The following MYCBPAP variants were observed in gnomAD, a reference collection of about 807,000 sequenced individuals.
The protein encoded by MYCBPAP is MYCBP-associated protein.
In MYCBPAP, 60 loss-of-function variants were observed where a neutral mutation model predicts 106.1. The observed-to-expected ratio is 0.57, with a 90% confidence interval of 0.46 to 0.70. MYCBPAP has a LOEUF of 0.70. MYCBPAP is among the 30% of genes least tolerant of loss of function. The pLI is 0.00. For missense variants in MYCBPAP, 1,064 were observed against 1,169.3 expected (o/e 0.91, Z 1.31); for synonymous variants, 407 against 440.6 (o/e 0.92, Z 0.95).
In MYCBPAP at chr17:50,529,120, A is replaced by C; in HGVS notation, c.2656A>C (p.Ile886Leu). 1 of 1,614,014 alleles carries C rather than the reference A, an allele frequency of 6.2e-7. No homozygotes were observed. Among genetic ancestry groups the C allele is most frequent in the South Asian group, 1.1e-5 (1 of 91,084 alleles). Residue 886 changes from isoleucine to leucine, a missense_variant, in exon 18 of 19, where the codon ATC (isoleucine) becomes CTC (leucine). Physicochemically the swap from Ile to Leu is conservative, Grantham distance 5 (BLOSUM62 2). Transcript: ENST00000323776. ...FSLEDPTPDI[I>L]LSSQEPIDPL... The stretch of plus-strand genomic sequence containing the variant: ...TTTGGAAGACCCTACCCCTGACATC[A>C]TCCTCTCTTCTCAAGAACCCATAGA...
rs1415882264 is a variant in MYCBPAP at position 50,516,791 on chromosome 17, G to A, written c.204+94G>A. ...ACACCAGCCATGTCCCTACTCATGG[G>A]GAGTGTCTAACTCCATGGAAAAACC... On this transcript the variant is annotated intron_variant, in intron 2 of 18. Coordinates refer to ENST00000323776, the MANE Select transcript of MYCBPAP (RefSeq NM_032133.6). 5.6e-6 allele frequency: 8 copies of A among 1,438,654 alleles called. No individual in the cohort carries two copies. In the African/African-American group the frequency reaches 7.0e-5, roughly 13 times the overall value. The allele number at this position is 1,438,654 out of a possible 1,614,324, so 89.1% of individuals were successfully genotyped here. A position where few individuals can be genotyped will look rare whatever the true frequency, so the allele number is the denominator to read the frequency against.
At chr17:50,523,835 G>C (rs754819432) in intron 12 of MYCBPAP, 51 bp downstream of exon 12, 1 of 1,540,360 alleles carries the variant, frequency 6.5e-7, no homozygotes, top group Non-Finnish European at 8.8e-7. Context: ...GGGTATCCTG[G>C]TGTTCTTCCT....
chr17:50,520,965 G>A (rs927731278), intron 7 of MYCBPAP, 145 bp from the exon 8 acceptor site: 10 of 645,850 alleles, frequency 1.5e-5, no homozygotes, highest in South Asian at 1.8e-5. Context: ...ACAGGAGAAC[G>A]GGAGTCTAGC....
chr17:50,527,110 G>C (rs1464532048), intron 14 of MYCBPAP, among the ~76,000 whole-genome samples, 177 bp from the exon 15 acceptor site: 1 of 152,224 alleles, frequency 6.6e-6, no homozygotes, highest in African/African-American at 2.4e-5. Flanking sequence ...GGGGTTCATA[G>C]GTACAGATTT....
Position 50,524,880 on chromosome 17 carries a change from AAGCT to A in MYCBPAP, c.1640_1643del (p.Lys547ArgfsTer18). The A allele has an allele frequency of 6.2e-7, 1 of 1,613,302 alleles. No individual in the cohort carries two copies. The highest frequency in any genetic ancestry group is 8.5e-7 in the Non-Finnish European group (1 of 1,179,646). ...TCTGCCACCTTCCCTTTTGCAGAGCAAGCTGACTGCCCATGAGGCAGTCACCGTC... is the reference window on the plus strand; with the variant it reads ...TCTGCCACCTTCCCTTTTGCAGAGCAGACTGCCCATGAGGCAGTCACCGTC... On this transcript the variant is annotated frameshift_variant, in exon 13 of 19. Transcript: ENST00000323776. LOFTEE classifies it high-confidence loss of function.
At position 50,508,517 on chromosome 17, in the gene MYCBPAP, A is replaced by G. The variant is rs1228573745; in HGVS notation, c.-158A>G. On this transcript the variant is annotated 5_prime_UTR_variant, in exon 1 of 19. Coordinates refer to ENST00000323776, the MANE Select transcript of MYCBPAP (RefSeq NM_032133.6). ...CGGCCCGATGAAGAAGGAGGTTTCC[A>G]AGCCGTCTCCGCCCAAGTTGATCGG... 3 of 1,533,504 alleles carry G rather than the reference A, an allele frequency of 2.0e-6. No homozygotes were observed. The highest frequency in any genetic ancestry group is 2.3e-4 in the Middle Eastern group (1 of 4,366). 95.0% of individuals were successfully genotyped at this position (1,533,504 alleles called of 1,614,324 possible). A position where few individuals can be genotyped will look rare whatever the true frequency, so the allele number is the denominator to read the frequency against.
In MYCBPAP at chr17:50,529,728, G is replaced by A. The variant is rs961309653; in HGVS notation, c.2724+540G>A. 9.4e-5 allele frequency: 43 copies of A among 456,048 alleles called. No homozygotes were observed. In the Admixed American group the frequency reaches 9.9e-4, roughly 10 times the overall value. 28.3% of individuals were successfully genotyped at this position (456,048 alleles called of 1,614,324 possible). On this transcript the variant is annotated intron_variant, in intron 18 of 18. Coordinates refer to ENST00000323776, the MANE Select transcript of MYCBPAP (RefSeq NM_032133.6). Reference sequence around the variant, plus strand: ...GGAGAACAGACTCTAGGGGAACAGAGAGGAAGGAAGCCCTTCTCTTTCTTA... The same window carrying A: ...GGAGAACAGACTCTAGGGGAACAGAAAGGAAGGAAGCCCTTCTCTTTCTTA...
At chr17:50,514,147 T>G (rs1476319523) in intron 1 of MYCBPAP, among the ~76,000 whole-genome samples, 1 of 152,192 alleles carries the variant, frequency 6.6e-6, no homozygotes, top group Non-Finnish European at 1.5e-5. Context: ...TCTCGGCCTC[T>G]CAAAGTGTTG....
In MYCBPAP at chr17:50,518,557, C is replaced by G; in HGVS notation, c.485C>G (p.Pro162Arg). ...RGNTQLAERI[P>R]TSPCLMTLIS... ...ACTTTTCAGCTGGCTGAGCGGATAC[C>G]TACCTCACCCTGTCTGATGACCCTC... Residue 162 changes from proline to arginine, a missense_variant, in exon 5 of 19, where the codon CCT (proline) becomes CGT (arginine). By Grantham distance (103) the Pro-to-Arg change is moderately radical. Coordinates refer to ENST00000323776, the MANE Select transcript of MYCBPAP (RefSeq NM_032133.6). 1.9e-6 allele frequency: 3 copies of G among 1,580,982 alleles called. No homozygotes were observed. In the South Asian group the frequency reaches 3.5e-5, roughly 19 times the overall value.
intron 2 of MYCBPAP, 36 bp downstream of exon 2, chr17:50,516,733 A>G (rs762590481): frequency 2.5e-6 from 4 of 1,611,512 alleles, no homozygotes; most frequent in East Asian, 4.5e-5. Context: ...TACCATAGAA[A>G]CGTTTCCCTG....
intron 1 of MYCBPAP, among the ~76,000 whole-genome samples, chr17:50,513,238 AAAG>A (rs1022622976): frequency 3.3e-5 from 5 of 150,064 alleles, no homozygotes; most frequent in African/African-American, 1.2e-4. Context: ...AAAAAAAAAA[AAAG>A]CTGGGCATGG....
rs779777621 is a variant in MYCBPAP, at chr17:50,528,845, G to A, written c.2553+5G>A. ...GCCAAGCTGCTCGGGAAAGAGGCAT[G>A]CTGGGGCGTGGTCTGGGCCAGGTGG... On this transcript the variant is annotated splice_donor_5th_base_variant and intron_variant, in intron 17 of 18. Coordinates refer to ENST00000323776, the MANE Select transcript of MYCBPAP (RefSeq NM_032133.6). 1 of 1,613,086 alleles carries A rather than the reference G, an allele frequency of 6.2e-7. No individual in the cohort carries two copies. Among genetic ancestry groups the A allele is most frequent in the Non-Finnish European group, 8.5e-7 (1 of 1,179,962 alleles).
At chr17:50,525,071 A>G in intron 13 of MYCBPAP, 48 bp downstream of exon 13, 1 of 1,576,174 alleles carries the variant, frequency 6.3e-7, no homozygotes, top group Middle Eastern at 1.7e-4. Context: ...CCCTGCGTCA[A>G]GGGTCCCCAA....
chr17:50,529,479 C>T (rs1456411800), intron 18 of MYCBPAP: 25 of 399,982 alleles, frequency 6.3e-5, no homozygotes, highest in Non-Finnish European at 9.5e-5. Flanking sequence ...GCCAAGTAGA[C>T]GTCCAGTAAA....
At chr17:50,514,004 A>T (rs2033953387) in intron 1 of MYCBPAP, among the ~76,000 whole-genome samples, 1 of 152,258 alleles carries the variant, frequency 6.6e-6, no homozygotes, top group South Asian at 2.1e-4. Flanking sequence ...TGACCCCATT[A>T]CAGAAACAGA....
At chr17:50,509,107 G>A in intron 1 of MYCBPAP, 1 of 703,052 alleles carries the variant, frequency 1.4e-6, no homozygotes, top group Non-Finnish European at 2.6e-6. Flanking sequence ...AAGAGTTTAA[G>A]GGTAGAAGGG....
intron 11 of MYCBPAP, among the ~76,000 whole-genome samples, chr17:50,523,342 C>G (rs899338897): frequency 6.6e-6 from 1 of 152,162 alleles, no homozygotes; most frequent in African/African-American, 2.4e-5. Flanking sequence ...GGTGAGCCAC[C>G]AGGGAGCAGA....
intron 5 of MYCBPAP, 45 bp from the exon 6 acceptor site, chr17:50,518,929 T>G (rs1253372408): frequency 1.9e-6 from 3 of 1,576,932 alleles, no homozygotes; most frequent in Non-Finnish European, 2.6e-6. Context: ...GGCCCCTGTT[T>G]GTTCTGGTTC....
chr17:50,518,918 A>G, intron 5 of MYCBPAP, 56 bp from the exon 6 acceptor site: 2 of 1,543,604 alleles, frequency 1.3e-6, no homozygotes, highest in South Asian at 2.2e-5. Context: ...CAGACTGCCA[A>G]GGCCCCTGTT....
Sources: gnomAD v4.1 joint callset for allele counts (sites outside exome capture counted in the v4.1 genomes callset) on GRCh38, gnomAD v4.1.1 for gene constraint, MANE v1.5 for transcripts, NCBI Gene and HGNC (gene_info 2026-07-23, HGNC 2026-07-21) for gene names.